Variants in SELP observed in about 807,000 individuals in gnomAD.
SELP encodes P-selectin.
SELP carries 92 observed loss-of-function variants against 104.1 expected under a neutral mutation model. The observed-to-expected ratio is 0.88, with a 90% CI of 0.75 to 1.05. The LOEUF is 1.05. SELP is among the 50% of genes least tolerant of loss of function. SELP has a pLI of 0.00. For missense variants in SELP, 1,022 were observed against 1,017.3 expected (o/e 1.00, Z -0.06); for synonymous variants, 397 against 364.5 (o/e 1.09, Z -1.01).
At chr1:169,605,560 A>C (rs1246223903) in intron 9 of SELP, among the ~76,000 whole-genome samples, 4 of 152,204 alleles carry the variant, frequency 2.6e-5, no homozygotes, top group Middle Eastern at 3.4e-3. Flanking sequence ...TTTAGTAAAA[A>C]ATATGTATCT....
At chr1:169,611,029 C>T (rs1184433715) in intron 7 of SELP, among the ~76,000 whole-genome samples, 1 of 152,122 alleles carries the variant, frequency 6.6e-6, no homozygotes, top group Non-Finnish European at 1.5e-5. Context: ...GGGTGTGAGG[C>T]AATTGCAGAG....
rs1162740954 is a variant in SELP, at chr1:169,627,428, A to G, written c.3+2644T>C. 2.6e-5 allele frequency among the ~76,000 whole-genome samples: 4 copies of G among 152,378 alleles called. No individual in the cohort carries two copies. The South Asian group carries it at 8.3e-4, about 32-fold the overall frequency. ...CCATTATTTTGAGTAAAATATTAGC[A>G]TTAAAAATAAAGTACGACACTTAAA... On this transcript the variant is annotated intron_variant, in intron 1 of 16. Coordinates refer to ENST00000263686, the MANE Select transcript of SELP (RefSeq NM_003005.4).
In SELP at chr1:169,621,093, TTGTGTGTG is replaced by T. The variant is rs113157169; in HGVS notation, c.4-1882_4-1875del. On this transcript the variant is annotated intron_variant, in intron 1 of 16. Transcript: ENST00000263686. ...GTAGGGTGCATGGGATGGTGTGGAG[TTGTGTGTG>T]TGTGTGTGTGTGTGTGTGTCACACC... Among the ~76,000 whole-genome samples, 702 of 90,460 alleles carry T rather than the reference TTGTGTGTG, an allele frequency of 7.8e-3. 15 individuals carry two copies. Among genetic ancestry groups the T allele is most frequent in the African/African-American group, 0.031 (665 of 21,404 alleles). The allele number at this position is 90,460 out of a possible 152,430, so 59.3% of individuals were successfully genotyped here. A position where few individuals can be genotyped will look rare whatever the true frequency, so the allele number is the denominator to read the frequency against.
At chr1:169,606,506 C>G (rs1662203645) in intron 9 of SELP, among the ~76,000 whole-genome samples, 1 of 152,170 alleles carries the variant, frequency 6.6e-6, no homozygotes, top group African/African-American at 2.4e-5. Flanking sequence ...CAACTGGGTA[C>G]TTGTAAATTC....
intron 9 of SELP, 144 bp downstream of exon 9, chr1:169,606,805 A>G (rs1662225672): frequency 1.4e-6 from 1 of 723,436 alleles, no homozygotes; most frequent in Non-Finnish European, 2.3e-6. Flanking sequence ...CTTGGGTTAT[A>G]GGACAAGAGG....
chr1:169,609,712 A>G, intron 7 of SELP, 23 bp from the exon 8 acceptor site: 1 of 1,587,370 alleles, frequency 6.3e-7, no homozygotes, highest in Non-Finnish European at 8.6e-7. Flanking sequence ...GGTATCTTCT[A>G]AAGCCAGGTA....
At position 169,617,254 on chromosome 1, in the gene SELP, G is replaced by A. The variant is rs769341126; in HGVS notation, c.255C>T (p.Tyr85=). 9 of 1,614,048 alleles carry A rather than the reference G, an allele frequency of 5.6e-6. No homozygotes were observed. In the African/African-American group the frequency reaches 1.2e-4, roughly 22 times the overall value. The change falls in exon 3 of 17, where the codon TAC becomes TAT. Residue 85 remains tyrosine, a synonymous_variant. Coordinates refer to ENST00000263686, the MANE Select transcript of SELP (RefSeq NM_003005.4). ...EIDYLNKVLP[Y]YSSYYWIGIR... ...TCCCAATCCAGTAGTAGGAGCTGTA[G>A]TAGGGTAGGACCTTATTGAGGTAAT... is the stretch of plus-strand genomic sequence containing the variant.
In SELP at chr1:169,609,688, A is replaced by G. The variant is rs1431169913; in HGVS notation, c.1149T>C (p.Ala383=). The G allele has an allele frequency of 6.2e-7, 1 of 1,607,358 alleles. No individual in the cohort carries two copies. Among genetic ancestry groups the G allele is most frequent in the East Asian group, 2.2e-5 (1 of 44,788 alleles). Residue 383 remains alanine (A), a splice_region_variant and synonymous_variant, in exon 8 of 17, where the codon GCT becomes GCC. Coordinates refer to ENST00000263686, the MANE Select transcript of SELP (RefSeq NM_003005.4). ...GACTCTCCAGCGGCTCACACGAAAT[A>G]GCTAAGTGGAAAAGGTATCTTCTAA... ...HWSAPLPTCE[A]ISCEPLESPV... is the part of the protein sequence containing the mutation.
At chr1:169,606,888 C>T in intron 9 of SELP, 61 bp downstream of exon 9, 1 of 1,493,416 alleles carries the variant, frequency 6.7e-7, no homozygotes, top group Non-Finnish European at 9.2e-7. Context: ...CTCTAAAATC[C>T]AGCCTTTAAA....
intron 13 of SELP, 145 bp from the exon 14 acceptor site, chr1:169,593,869 C>A: frequency 1.4e-6 from 1 of 717,336 alleles, no homozygotes; most frequent in Non-Finnish European, 2.2e-6. Context: ...GACAAGCTAA[C>A]ATGAAAGAAG....
At chr1:169,602,966 G>T in intron 10 of SELP, 60 bp downstream of exon 10, 2 of 1,397,084 alleles carry the variant, frequency 1.4e-6, no homozygotes, top group South Asian at 1.3e-5. Context: ...AATCCCTGAT[G>T]ATTCTCCATT....
Position 169,603,120 on chromosome 1 carries a change from T to C in SELP, c.1611A>G (p.Gln537=), listed in dbSNP as rs749477831. The change falls in exon 10 of 17, where the codon CAA becomes CAG. Residue 537 remains glutamine (Q), a synonymous_variant. Transcript: ENST00000263686. ...AAGAATATCCCTCGTCACAGATGAA[T>C]TGACATGTGGATTTATAACTGGAAC... ...LGSSSYKSTC[Q]FICDEGYSLS... 8 of 1,614,068 alleles carry C rather than the reference T, an allele frequency of 5.0e-6. No individual in the cohort carries two copies. In the East Asian group the frequency reaches 6.7e-5, roughly 13 times the overall value.
chr1:169,608,892 A>G (rs1430826505), intron 8 of SELP, among the ~76,000 whole-genome samples: 1 of 152,142 alleles, frequency 6.6e-6, no homozygotes. Context: ...CCCGCCCCCC[A>G]TGAGTGCCTT....
intron 3 of SELP, among the ~76,000 whole-genome samples, chr1:169,614,380 G>T (rs1404789913): frequency 6.6e-6 from 1 of 152,220 alleles, no homozygotes; most frequent in Non-Finnish European, 1.5e-5. Context: ...TGGCTGAACT[G>T]CCATGTCCTC....
intron 12 of SELP, among the ~76,000 whole-genome samples, chr1:169,595,708 G>A (rs1004876505): frequency 6.6e-6 from 1 of 152,128 alleles, no homozygotes; most frequent in Non-Finnish European, 1.5e-5. Context: ...AAGTCTCTGA[G>A]TACTTGTGTA....
At position 169,593,597 on chromosome 1, in the gene SELP, C is replaced by T. The variant is rs748651858; in HGVS notation, c.2407+8G>A. 1 of 1,611,436 alleles carries T rather than the reference C, an allele frequency of 6.2e-7. No homozygotes were observed. Among genetic ancestry groups the T allele is most frequent in the Non-Finnish European group, 8.5e-7 (1 of 1,178,372 alleles). ...CAAGATGCAAAGAGAAGACTCTTTC[C>T]TATTTACCTTTTTGTCTGAAACGCT... On this transcript the variant is annotated splice_region_variant and intron_variant, in intron 14 of 16. Coordinates refer to ENST00000263686, the MANE Select transcript of SELP (RefSeq NM_003005.4).
intron 11 of SELP, among the ~76,000 whole-genome samples, chr1:169,596,388 C>T (rs1030178427): frequency 6.6e-6 from 1 of 152,120 alleles, no homozygotes; most frequent in Non-Finnish European, 1.5e-5. Context: ...ATTGTTGTTG[C>T]TATTTTAAAA....
chr1:169,629,162 G>A lies in SELP; in HGVS notation c.3+910C>T, dbSNP rs114779111. Among the ~76,000 whole-genome samples the A allele has an allele frequency of 4.3e-3, 650 of 152,284 alleles. 5 individuals carry two copies. Among genetic ancestry groups the A allele is most frequent in the African/African-American group, 0.015 (619 of 41,554 alleles). On this transcript the variant is annotated intron_variant, in intron 1 of 16. Transcript: ENST00000263686. ...TTAACCATGTGCATTTTATCTAGGT[G>A]CATATAACATTGCTGAGTTCAAAAT...
chr1:169,593,673 G>A lies in SELP; in HGVS notation c.2339C>T (p.Ala780Val), dbSNP rs1485288034. 6 of 1,613,338 alleles carry A rather than the reference G, an allele frequency of 3.7e-6. No individual in the cohort carries two copies. In the Admixed American group the frequency reaches 1.0e-4, roughly 27 times the overall value. The change falls in exon 14 of 17, where the codon GCT (alanine) becomes GTT (valine). Residue 780 changes from alanine (A) to valine (V), a missense_variant. Physicochemically the swap from Ala to Val is moderately conservative, Grantham distance 64 (BLOSUM62 0). Coordinates refer to ENST00000263686, the MANE Select transcript of SELP (RefSeq NM_003005.4). ...ACCCATTATCAGACCTATCGTAGAAGCCACCGCTCCACCAAAGTAAGTCAG... is the reference window on the plus strand; with the variant it reads ...ACCCATTATCAGACCTATCGTAGAAACCACCGCTCCACCAAAGTAAGTCAG... ...EALTYFGGAV[A>V]STIGLIMGGT...
Sources: gnomAD v4.1 joint callset for allele counts (sites outside exome capture counted in the v4.1 genomes callset) on GRCh38, gnomAD v4.1.1 for gene constraint, MANE v1.5 for transcripts, NCBI Gene and HGNC (gene_info 2026-07-23, HGNC 2026-07-21) for gene names.